Variants in NRXN1 observed in about 807,000 individuals in gnomAD.
NRXN1 encodes neurexin 1.
A neutral mutation model predicts 150.9 loss-of-function variants in NRXN1; 39 were observed. That is an observed-to-expected ratio of 0.26 (90% CI 0.20 to 0.34). The LOEUF (loss-of-function observed/expected upper bound fraction) is 0.34. Ranked by LOEUF, NRXN1 falls within the 10% of genes least tolerant of loss-of-function variation. NRXN1 has a pLI of 1.00. For missense variants in NRXN1, 1,815 were observed against 1,949.9 expected (o/e 0.93, Z 1.30); for synonymous variants, 924 against 757.0 (o/e 1.22, Z -3.62).
chr2:50,012,796 A>T lies in NRXN1; in HGVS notation c.4128+40475T>A, dbSNP rs553160849. Among the ~76,000 whole-genome samples, 13 of 152,316 alleles carry T rather than the reference A, an allele frequency of 8.5e-5. No individual in the cohort carries two copies. In the South Asian group the frequency reaches 2.7e-3, roughly 32 times the overall value. On this transcript the variant is annotated intron_variant, in intron 21 of 22. Transcript: ENST00000401669. ...TAGAATTTACACTACAGTGAATGGG[A>T]AAAGTCCATTTTTTTTATAATGTAG...
chr2:50,454,703 CAGTT>C (rs1485354369), intron 17 of NRXN1, among the ~76,000 whole-genome samples: 1 of 148,970 alleles, frequency 6.7e-6, no homozygotes, highest in East Asian at 1.9e-4. Flanking sequence ...CACACACACA[CAGTT>C]AATTAACGGA....
chr2:50,612,563 A>G (rs1267943985), intron 8 of NRXN1, among the ~76,000 whole-genome samples: 1 of 152,222 alleles, frequency 6.6e-6, no homozygotes, highest in Non-Finnish European at 1.5e-5. Context: ...GAAATAAAAA[A>G]TGCTTAATAT....
chr2:50,001,625 G>T (rs2152534238), intron 21 of NRXN1, among the ~76,000 whole-genome samples: 1 of 152,176 alleles, frequency 6.6e-6, no homozygotes, highest in Non-Finnish European at 1.5e-5. Flanking sequence ...TATGTAAAAT[G>T]AGAATAATAA....
intron 5 of NRXN1, among the ~76,000 whole-genome samples, chr2:50,710,274 A>C (rs1694989490): frequency 6.6e-6 from 1 of 152,216 alleles, no homozygotes. Context: ...TATTTCAGCA[A>C]GCTGCAAAAG....
At position 49,929,179 on chromosome 2, in the gene NRXN1, G is replaced by A. The variant is rs377039212; in HGVS notation, c.4217-6928C>T. On this transcript the variant is annotated intron_variant, in intron 22 of 22. Coordinates refer to ENST00000401669, the MANE Select transcript of NRXN1 (RefSeq NM_001330078.2). ...ACACGGAAAAACTCATCATGTGCCT[G>A]CATGATGGAGAAACCCAACTAGGAC... Among the ~76,000 whole-genome samples the A allele has an allele frequency of 6.6e-5, 10 of 152,228 alleles. No individual in the cohort carries two copies. The East Asian group carries it at 1.5e-3, about 24-fold the overall frequency.
chr2:50,920,965 G>C (rs2104267492), intron 5 of NRXN1, among the ~76,000 whole-genome samples: 1 of 151,614 alleles, frequency 6.6e-6, no homozygotes, highest in African/African-American at 2.4e-5. Flanking sequence ...AAACATAAAG[G>C]TGCAGAACTG....
chr2:50,586,428 A>G (rs1217436791), intron 8 of NRXN1, among the ~76,000 whole-genome samples: 1 of 152,154 alleles, frequency 6.6e-6, no homozygotes, highest in African/African-American at 2.4e-5. Flanking sequence ...CCAGTATAGT[A>G]CAAGCTCTAT....
chr2:50,380,159 G>C (rs76266849), intron 17 of NRXN1, among the ~76,000 whole-genome samples: 1,690 of 151,960 alleles, frequency 0.011, 24 homozygotes, highest in African/African-American at 0.039. Flanking sequence ...CTTAGACATT[G>C]GTTTTATGCT....
At chr2:50,070,220 AG>A (rs1247711493) in intron 19 of NRXN1, among the ~76,000 whole-genome samples, 1 of 152,120 alleles carries the variant, frequency 6.6e-6, no homozygotes, top group Admixed American at 6.5e-5. Flanking sequence ...GAAATAGAGA[AG>A]TTTGTCTCCT....
At position 50,236,960 on chromosome 2, in the gene NRXN1, T is replaced by C. The variant is rs757748286; in HGVS notation, c.3375A>G (p.Thr1125=). ...SGPLCNDPGT[T]YIFSKGGGQI... is the part of the protein sequence containing the mutation. Reference sequence around the variant, plus strand: ...GTCCACCACCTTTGCTAAAGATATATGTCGTCCCAGCTGGAAAACAAAAAC... The same window carrying C: ...GTCCACCACCTTTGCTAAAGATATACGTCGTCCCAGCTGGAAAACAAAAAC... The change falls in exon 18 of 23, where the codon ACA becomes ACG. Residue 1125 remains threonine, a synonymous_variant. Transcript: ENST00000401669. 6 of 1,612,926 alleles carry C rather than the reference T, an allele frequency of 3.7e-6. No individual in the cohort carries two copies. The Admixed American group carries it at 6.7e-5, about 18-fold the overall frequency.
chr2:50,541,753 AT>A (rs1286152634), intron 9 of NRXN1, among the ~76,000 whole-genome samples: 3 of 151,982 alleles, frequency 2.0e-5, no homozygotes, highest in East Asian at 3.9e-4. Context: ...GAAAAAAAAA[AT>A]ATTCAACTCT....
chr2:50,703,301 T>C (rs2104979497), intron 5 of NRXN1, among the ~76,000 whole-genome samples: 1 of 152,210 alleles, frequency 6.6e-6, no homozygotes, highest in South Asian at 2.1e-4. Flanking sequence ...AAATGGCATA[T>C]GTTTAACAGA....
chr2:50,063,075 A>G (rs536208561), intron 19 of NRXN1, among the ~76,000 whole-genome samples: 41 of 152,278 alleles, frequency 2.7e-4, no homozygotes, highest in Non-Finnish European at 4.9e-4. Flanking sequence ...AGACATTTGG[A>G]TATATCTAGG....
chr2:51,026,438 C>A, intron 2 of NRXN1: 2 of 1,604,938 alleles, frequency 1.2e-6, no homozygotes, highest in Non-Finnish European at 1.7e-6. Flanking sequence ...GTAACAGCAC[C>A]GGCAAAACAC....
intron 8 of NRXN1, among the ~76,000 whole-genome samples, chr2:50,585,107 T>C (rs1672880512): frequency 6.6e-6 from 1 of 152,172 alleles, no homozygotes; most frequent in East Asian, 1.9e-4. Flanking sequence ...AAAAATAATG[T>C]AGTAGTAGTT....
chr2:50,414,773 T>G (rs1053696928), intron 17 of NRXN1, among the ~76,000 whole-genome samples: 2 of 152,124 alleles, frequency 1.3e-5, no homozygotes, highest in African/African-American at 4.8e-5. Context: ...AAAGTACATT[T>G]TGAATTTCTA....
At chr2:50,138,198 T>C (rs1311790711) in intron 18 of NRXN1, among the ~76,000 whole-genome samples, 1 of 152,230 alleles carries the variant, frequency 6.6e-6, no homozygotes, top group Non-Finnish European at 1.5e-5. Flanking sequence ...CAGAGTCTCA[T>C]ACTTAAGTTA....
rs1033030254 is a variant in NRXN1 at position 50,603,814 on chromosome 2, G to A, written c.1320+16208C>T. 2.6e-5 allele frequency among the ~76,000 whole-genome samples: 4 copies of A among 152,232 alleles called. No individual in the cohort carries two copies. The East Asian group carries it at 5.8e-4, about 22-fold the overall frequency. ...TCATAGAAGTTGAATAAAATGCATTGCGTTGCACTCCACATAGACTGGTCA... is the reference window on the plus strand; with the variant it reads ...TCATAGAAGTTGAATAAAATGCATTACGTTGCACTCCACATAGACTGGTCA... On this transcript the variant is annotated intron_variant, in intron 8 of 22. Transcript: ENST00000401669.
chr2:50,891,921 C>T (rs1447563291), intron 5 of NRXN1, among the ~76,000 whole-genome samples: 2 of 152,036 alleles, frequency 1.3e-5, no homozygotes, highest in Admixed American at 6.6e-5. Context: ...CTACATATGC[C>T]ATGCACTGTT....
Sources: gnomAD v4.1 joint callset for allele counts (sites outside exome capture counted in the v4.1 genomes callset) on GRCh38, gnomAD v4.1.1 for gene constraint, MANE v1.5 for transcripts, NCBI Gene and HGNC (gene_info 2026-07-23, HGNC 2026-07-21) for gene names.